The following ASPM variants were observed in gnomAD, a reference collection of about 807,000 sequenced individuals.
ASPM encodes the protein assembly factor for spindle microtubules.
Under a neutral mutation model 366.4 loss-of-function variants are expected in ASPM, and 256 were observed. That is an observed-to-expected ratio of 0.70 (90% CI 0.63 to 0.77). The LOEUF is 0.77. Among genes scored for constraint, ASPM ranks in the 30% least tolerant of loss-of-function variants. ASPM has a pLI of 0.00. For synonymous variants in ASPM, 1,414 were observed against 1,342.9 expected (o/e 1.05, Z -1.16); for missense variants, 4,146 against 4,090.4 (o/e 1.01, Z -0.37).
chr1:197,134,876 T>C (rs1250483345), intron 5 of ASPM, among the ~76,000 whole-genome samples: 1 of 152,154 alleles, frequency 6.6e-6, no homozygotes, highest in Admixed American at 6.5e-5. Context: ...TGAGAGAGAA[T>C]AGAGAACAAA....
chr1:197,126,306 T>G (rs1658086801), intron 10 of ASPM, among the ~76,000 whole-genome samples: 1 of 151,932 alleles, frequency 6.6e-6, no homozygotes, highest in East Asian at 1.9e-4. Flanking sequence ...ATAGGCATGG[T>G]GGTGCACACC....
Position 197,146,461 on chromosome 1 carries a change from A to C in ASPM, c.-24T>G. 6.2e-7 allele frequency: 1 copy of C among 1,601,642 alleles called. No homozygotes were observed. The highest frequency in any genetic ancestry group is 1.1e-5 in the South Asian group (1 of 90,862). On this transcript the variant is annotated 5_prime_UTR_variant, in exon 1 of 28. Coordinates refer to ENST00000367409, the MANE Select transcript of ASPM (RefSeq NM_018136.5). Reference sequence around the variant, plus strand: ...ATGGCAGATTCGAGACCCCTCCTGGATCTCCTTGCCCCGCTCCCACGAGGC... The same window carrying C: ...ATGGCAGATTCGAGACCCCTCCTGGCTCTCCTTGCCCCGCTCCCACGAGGC...
chr1:197,118,149 C>T (rs1161249277), intron 16 of ASPM, among the ~76,000 whole-genome samples, 166 bp from the exon 17 acceptor site: 2 of 152,018 alleles, frequency 1.3e-5, no homozygotes, highest in South Asian at 2.1e-4. Flanking sequence ...CCAGGCATGT[C>T]GAAAGCGCTG....
chr1:197,142,034 AT>A (rs1223208169), intron 3 of ASPM, among the ~76,000 whole-genome samples: 1 of 152,136 alleles, frequency 6.6e-6, no homozygotes, highest in African/African-American at 2.4e-5. Flanking sequence ...TTATTCACTT[AT>A]CCATTCATTC....
At chr1:197,116,839 TC>T (rs1370235084) in intron 17 of ASPM, among the ~76,000 whole-genome samples, 2 of 152,060 alleles carry the variant, frequency 1.3e-5, no homozygotes, top group African/African-American at 4.8e-5. Context: ...CTGTAACAAT[TC>T]AAAAAGTAAG....
rs907757922 is a variant in ASPM, at chr1:197,102,757, G to A, written c.6494C>T (p.Thr2165Ile). The change falls in exon 18 of 28, where the codon ACA becomes ATA. Residue 2165 changes from threonine (T) to isoleucine (I), a missense_variant. Thr to Ile is a moderately conservative substitution (Grantham distance 89). Coordinates refer to ENST00000367409, the MANE Select transcript of ASPM (RefSeq NM_018136.5). ...QGKMQREKYL[T>I]ILKAVKVLQA... ...AAGGACTTTAACAGCTTTCAAAATTGTCAGGTACTTTTCACGCTGCATTTT... is the reference window on the plus strand; with the variant it reads ...AAGGACTTTAACAGCTTTCAAAATTATCAGGTACTTTTCACGCTGCATTTT... 6.2e-7 allele frequency: 1 copy of A among 1,612,544 alleles called. No homozygotes were observed. The highest frequency in any genetic ancestry group is 8.5e-7 in the Non-Finnish European group (1 of 1,179,238).
At chr1:197,129,116 AC>A in intron 9 of ASPM, 70 bp downstream of exon 9, 1 of 1,539,908 alleles carries the variant, frequency 6.5e-7, no homozygotes, top group Non-Finnish European at 8.9e-7. Flanking sequence ...TAAAGAGAAA[AC>A]ATACCATGAA....
Position 197,084,420 on chromosome 1 carries a change from C to T in ASPM, c.10338G>A (p.Lys3446=), listed in dbSNP as rs757221579. ...PVRTRIVSRL[K]PDWVLRRDNM... ...TATCTCTTCTCAAAACCCAATCTGG[C>T]TTAAGTCTGTTAAAAAAAAAAAAAA... Residue 3446 remains lysine (K), a synonymous_variant, in exon 28 of 28, where the codon AAG becomes AAA. Coordinates refer to ENST00000367409, the MANE Select transcript of ASPM (RefSeq NM_018136.5). The T allele has an allele frequency of 2.8e-5, 45 of 1,590,620 alleles. No individual in the cohort carries two copies. The highest frequency in any genetic ancestry group is 3.8e-5 in the Non-Finnish European group (44 of 1,164,832).
rs751803566 is a variant in ASPM, at chr1:197,103,846, T to A, written c.5405A>T (p.Lys1802Ile). ...TGCTTGCAAGCAAGTAGCTGCTTTT[T>A]TGACTTGCAAGAAGTTCTTCCTCTG... ...VNQRKNFLQV[K>I]KAATCLQAAY... The change falls in exon 18 of 28, where the codon AAA becomes ATA. Residue 1802 changes from lysine (K) to isoleucine (I), a missense_variant. Around this residue, in one of 3 missense-constraint regions of ASPM, gnomAD observed 3,624 missense variants for 3,591.7 expected, o/e 1.01. Transcript: ENST00000367409. The A allele has an allele frequency of 3.7e-6, 6 of 1,612,910 alleles. No individual in the cohort carries two copies. Among genetic ancestry groups the A allele is most frequent in the African/African-American group, 1.3e-5 (1 of 74,834 alleles).
chr1:197,094,591 G>A (rs1346840265), intron 19 of ASPM, among the ~76,000 whole-genome samples: 1 of 151,718 alleles, frequency 6.6e-6, no homozygotes, highest in African/African-American at 2.4e-5. Flanking sequence ...AGAAGAGAAT[G>A]TGATTACAAG....
chr1:197,146,544 A>G lies in ASPM; in HGVS notation c.-107T>C. On this transcript the variant is annotated 5_prime_UTR_variant, in exon 1 of 28. Coordinates refer to ENST00000367409, the MANE Select transcript of ASPM (RefSeq NM_018136.5). ...ACCGCTTCCCCTCAGGGGCGGCTGT[A>G]GAGGTCGTGGGAGTGAATTCGGCCC... 1 of 1,301,638 alleles carries G rather than the reference A, an allele frequency of 7.7e-7. No homozygotes were observed. Among genetic ancestry groups the G allele is most frequent in the Non-Finnish European group, 1.1e-6 (1 of 926,640 alleles). 80.6% of individuals were successfully genotyped at this position (1,301,638 alleles called of 1,614,324 possible). A position where few individuals can be genotyped will look rare whatever the true frequency, so the allele number is the denominator to read the frequency against.
At position 197,122,114 on chromosome 1, in the gene ASPM, G is replaced by T. The variant is rs369649178; in HGVS notation, c.3741+45C>A. 3.1e-5 allele frequency: 49 copies of T among 1,597,172 alleles called. No individual in the cohort carries two copies. In the African/African-American group the frequency reaches 5.8e-4, roughly 19 times the overall value. On this transcript the variant is annotated intron_variant, in intron 15 of 27. Coordinates refer to ENST00000367409, the MANE Select transcript of ASPM (RefSeq NM_018136.5). ...TACAGTACTTACTATCATCTTCTGA[G>T]ACTTTATTATTGAATTAATAATTAG...
In ASPM at chr1:197,102,435, T is replaced by G. The variant is rs769659035; in HGVS notation, c.6816A>C (p.Arg2272Ser). The G allele has an allele frequency of 5.0e-6, 8 of 1,612,616 alleles. No homozygotes were observed. Among genetic ancestry groups the G allele is most frequent in the Non-Finnish European group, 8.5e-7 (1 of 1,179,208 alleles). Reference protein sequence around the residue: ...MHIAATLIQRRFRTLMMRRRF... With the variant: ...MHIAATLIQRSFRTLMMRRRF... ...TTCTTCTCATCATTAGAGTTCTAAA[T>G]CTCCTCTGAATGAGAGTTGCGGCTA... Residue 2272 changes from arginine to serine, a missense_variant, in exon 18 of 28, where the codon AGA (arginine) becomes AGC (serine). Arg to Ser is a moderately radical substitution (Grantham distance 110, BLOSUM62 -1). Transcript: ENST00000367409.
At chr1:197,140,073 A>T (rs1658536677) in intron 3 of ASPM, among the ~76,000 whole-genome samples, 1 of 152,216 alleles carries the variant, frequency 6.6e-6, no homozygotes, top group African/African-American at 2.4e-5. Flanking sequence ...CATAAACCAC[A>T]ATTTATTTTG....
rs756580197 is a variant in ASPM at position 197,103,565 on chromosome 1, T to A, written c.5686A>T (p.Arg1896Trp). Residue 1896 changes from arginine to tryptophan, a missense_variant, in exon 18 of 28, where the codon AGG becomes TGG. This residue lies in a region of ASPM where 3,624 missense variants were observed against 3,591.7 expected (regional missense o/e 1.01). Coordinates refer to ENST00000367409, the MANE Select transcript of ASPM (RefSeq NM_018136.5). ...ATCTTCAAGGCAGCTTGATGTTCCC[T>A]TCTAATCTGTTTCCGAACCTTCCAG... ...RGWKVRKQIR[R>W]EHQAALKIQS... The A allele has an allele frequency of 6.2e-7, 1 of 1,613,016 alleles. No individual in the cohort carries two copies. The highest frequency in any genetic ancestry group is 1.1e-5 in the South Asian group (1 of 91,066).
chr1:197,144,171 C>T (rs1180739719), intron 1 of ASPM, 71 bp from the exon 2 acceptor site: 5 of 1,090,256 alleles, frequency 4.6e-6, no homozygotes, highest in Non-Finnish European at 5.6e-6. Context: ...TTATATACAA[C>T]TTACAATATA....
At chr1:197,145,444 A>C (rs1232703055) in intron 1 of ASPM, among the ~76,000 whole-genome samples, 1 of 152,178 alleles carries the variant, frequency 6.6e-6, no homozygotes, top group Non-Finnish European at 1.5e-5. Flanking sequence ...TACATACTAC[A>C]CGTATATATT....
At position 197,146,488 on chromosome 1, in the gene ASPM, G is replaced by A. The variant is rs1412598492; in HGVS notation, c.-51C>T. The A allele has an allele frequency of 1.3e-6, 2 of 1,586,816 alleles. No homozygotes were observed. The highest frequency in any genetic ancestry group is 1.3e-5 in the African/African-American group (1 of 74,692). On this transcript the variant is annotated 5_prime_UTR_variant, in exon 1 of 28. Transcript: ENST00000367409. ...CTCCTTGCCCCGCTCCCACGAGGCG[G>A]CTCCGGAGCGGGGATCCGGGACTTA...
chr1:197,098,857 C>A (rs187840965), intron 18 of ASPM, among the ~76,000 whole-genome samples: 1 of 151,542 alleles, frequency 6.6e-6, no homozygotes, highest in Admixed American at 6.6e-5. Flanking sequence ...CTAATACTCA[C>A]ACTACTCTCC....
Sources: allele counts gnomAD v4.1 joint callset (sites outside exome capture counted in the v4.1 genomes callset), GRCh38; gene constraint gnomAD v4.1.1; regional missense constraint gnomAD v4.1.1; transcripts MANE v1.5; gene names NCBI Gene and HGNC (gene_info 2026-07-23, HGNC 2026-07-21).